Variants in RYR3 observed in about 807,000 individuals in gnomAD.
RYR3 encodes the protein brain ryanodine receptor-calcium release channel.
Under a neutral mutation model 584.3 loss-of-function variants are expected in RYR3, and 207 were observed. That is an observed-to-expected ratio of 0.35 (90% CI 0.32 to 0.40). The LOEUF is 0.40. RYR3 is among the 10% of genes least tolerant of loss of function. The pLI is 1.00. For synonymous variants in RYR3, 2,416 were observed against 2,248.5 expected, an observed-to-expected ratio of 1.07 and a Z score of -2.11; for missense variants, 5,616 against 6,089.2, an observed-to-expected ratio of 0.92 and a Z score of 2.59.
chr15:33,433,274 G>C (rs2045362322), intron 1 of RYR3, among the ~76,000 whole-genome samples: 1 of 152,154 alleles, frequency 6.6e-6, no homozygotes, highest in African/African-American at 2.4e-5. Flanking sequence ...TTATAGAAGA[G>C]TATCTTTGTT....
intron 3 of RYR3, among the ~76,000 whole-genome samples, chr15:33,519,654 T>C (rs532712445): frequency 2.0e-5 from 3 of 152,184 alleles, no homozygotes; most frequent in African/African-American, 7.2e-5. Flanking sequence ...TTGTATTCAT[T>C]TTTAAATCTC....
chr15:33,530,714 C>A, intron 4 of RYR3, 48 bp downstream of exon 4: 1 of 1,390,604 alleles, frequency 7.2e-7, no homozygotes. Flanking sequence ...GAAGGAAAAA[C>A]TGAAGAGGGG....
intron 60 of RYR3, among the ~76,000 whole-genome samples, chr15:33,762,528 A>T (rs2072571500): frequency 6.6e-6 from 1 of 152,208 alleles, no homozygotes; most frequent in Non-Finnish European, 1.5e-5. Flanking sequence ...TCTCACAAAG[A>T]GCATAAAATA....
chr15:33,707,332 C>T (rs968942964), intron 43 of RYR3, among the ~76,000 whole-genome samples: 2 of 152,070 alleles, frequency 1.3e-5, no homozygotes, highest in Admixed American at 6.6e-5. Context: ...CATCTCTCTG[C>T]ACTGTAAAAG....
chr15:33,435,233 A>G (rs2045564576), intron 1 of RYR3, among the ~76,000 whole-genome samples: 1 of 152,016 alleles, frequency 6.6e-6, no homozygotes. Flanking sequence ...GCCTAGAACC[A>G]CCCATTAGTT....
At chr15:33,864,726 T>G (rs1449434340) in intron 103 of RYR3, 1 of 186,782 alleles carries the variant, frequency 5.4e-6, no homozygotes, top group East Asian at 1.4e-4. Flanking sequence ...TAGGAAAACT[T>G]TACAGTTCAC....
Position 33,311,072 on chromosome 15 carries a change from G to C in RYR3, c.27G>C (p.Glu9Asp). Residue 9 changes from glutamate (E) to aspartate (D), a missense_variant, in exon 1 of 104, where the codon GAG (glutamate) becomes GAC (aspartate). This residue lies in a region of RYR3 where 1,284 missense variants were observed against 1,344.6 expected (regional missense o/e 0.95). Coordinates refer to ENST00000634891, the MANE Select transcript of RYR3 (RefSeq NM_001036.6). This position sits in a 1 kb window ranked among gnomAD's most constrained non-coding sequence, Gnocchi z 4.4. ...TGGCCGAAGGGGGAGAAGGAGGCGA[G>C]GACGAGATCCAGTTTCTGAGGACTG... Reference protein sequence around the residue: MAEGGEGGEDEIQFLRTED... With the variant: MAEGGEGGDDEIQFLRTED... 1.9e-6 allele frequency: 3 copies of C among 1,583,138 alleles called. No individual in the cohort carries two copies. Among genetic ancestry groups the C allele is most frequent in the Non-Finnish European group, 2.6e-6 (3 of 1,166,660 alleles).
At position 33,589,466 on chromosome 15, in the gene RYR3, A is replaced by C. The variant is rs1020797896; in HGVS notation, c.1788+3350A>C. On this transcript the variant is annotated intron_variant, in intron 16 of 103. Coordinates refer to ENST00000634891, the MANE Select transcript of RYR3 (RefSeq NM_001036.6). ...TTTGCAGAGCTTTTTAATTTAATTA[A>C]GTCCCATTTATCTATTTTTTGTTTT... Among the ~76,000 whole-genome samples the C allele has an allele frequency of 2.0e-5, 3 of 152,150 alleles. No individual in the cohort carries two copies. The East Asian group carries it at 5.8e-4, about 29-fold the overall frequency.
chr15:33,442,042 C>A (rs2046270131), intron 1 of RYR3, among the ~76,000 whole-genome samples: 1 of 152,134 alleles, frequency 6.6e-6, no homozygotes, highest in Admixed American at 6.5e-5. Context: ...AGTCCGTTAC[C>A]TATAAGATGA....
chr15:33,590,301 T>C (rs2059067388), intron 16 of RYR3, among the ~76,000 whole-genome samples: 2 of 152,300 alleles, frequency 1.3e-5, no homozygotes, highest in South Asian at 2.1e-4. Flanking sequence ...AGGGGATACG[T>C]TGGCTTAGCT....
chr15:33,365,944 A>G (rs976829720), intron 1 of RYR3, among the ~76,000 whole-genome samples: 15 of 152,230 alleles, frequency 9.9e-5, no homozygotes, highest in Admixed American at 8.5e-4. Context: ...TTATTGGACT[A>G]GAAGATTAGT....
intron 92 of RYR3, among the ~76,000 whole-genome samples, chr15:33,844,600 T>C (rs1218199334): frequency 6.6e-6 from 1 of 152,170 alleles, no homozygotes; most frequent in Non-Finnish European, 1.5e-5. Context: ...TAAGCATATG[T>C]AGTAAAAGTT....
intron 4 of RYR3, among the ~76,000 whole-genome samples, chr15:33,532,911 G>A (rs897513211): frequency 7.9e-5 from 12 of 152,074 alleles, no homozygotes; most frequent in African/African-American, 2.2e-4. Flanking sequence ...GAAGCCAGGC[G>A]TTCAAGACCA....
At chr15:33,619,508 G>A (rs531993645) in intron 19 of RYR3, among the ~76,000 whole-genome samples, 1 of 152,128 alleles carries the variant, frequency 6.6e-6, no homozygotes, top group South Asian at 2.1e-4. Context: ...TGAGAGAAGT[G>A]GACTGGTAGG....
chr15:33,604,710 T>C (rs1405746520), intron 18 of RYR3, among the ~76,000 whole-genome samples: 3 of 152,192 alleles, frequency 2.0e-5, no homozygotes, highest in Non-Finnish European at 4.4e-5. Context: ...TAATTCTTCA[T>C]GGAACGTGGA....
intron 18 of RYR3, among the ~76,000 whole-genome samples, chr15:33,608,595 A>G (rs1014188807): frequency 6.6e-6 from 1 of 152,224 alleles, no homozygotes; most frequent in Non-Finnish European, 1.5e-5. Context: ...TCTTCCCAGG[A>G]CATTGCTCTA....
intron 38 of RYR3, among the ~76,000 whole-genome samples, chr15:33,689,734 A>G (rs2065280160): frequency 6.6e-6 from 1 of 152,216 alleles, no homozygotes; most frequent in Admixed American, 6.5e-5. Flanking sequence ...TCTTTTGAAT[A>G]TATGTGTTAC....
chr15:33,425,859 G>T (rs886988105), intron 1 of RYR3, among the ~76,000 whole-genome samples: 1 of 151,962 alleles, frequency 6.6e-6, no homozygotes, highest in Non-Finnish European at 1.5e-5. Context: ...AGCCAGGATG[G>T]TCTCAATCTC....
chr15:33,761,172 A>G (rs2072397975), intron 60 of RYR3, among the ~76,000 whole-genome samples: 1 of 152,228 alleles, frequency 6.6e-6, no homozygotes, highest in South Asian at 2.1e-4. Flanking sequence ...TTGACACCCT[A>G]ACATCACAAC....
Sources: gnomAD v4.1 joint callset for allele counts (sites outside exome capture counted in the v4.1 genomes callset) on GRCh38, gnomAD v4.1.1 for gene constraint, gnomAD v4.1.1 regional missense constraint, Gnocchi (gnomAD v3.1) non-coding constraint, MANE v1.5 for transcripts, NCBI Gene and HGNC (gene_info 2026-07-23, HGNC 2026-07-21) for gene names.